SDC4: variants seen among roughly 807,000 people sequenced by gnomAD.
The protein encoded by SDC4 is syndecan-4.
A neutral mutation model predicts 20.5 loss-of-function variants in SDC4; 17 were observed. The observed-to-expected ratio is 0.83, with a 90% confidence interval of 0.57 to 1.25. The LOEUF is 1.25. Among genes scored for constraint, SDC4 ranks in the 50% most tolerant of loss-of-function variants. The pLI, the probability that SDC4 is intolerant of heterozygous loss-of-function variation, is 0.00. For missense variants in SDC4, 241 were observed against 252.3 expected, an observed-to-expected ratio of 0.96 and a Z score of 0.30; for synonymous variants, 107 against 105.3, an observed-to-expected ratio of 1.02 and a Z score of -0.10.
chr20:45,331,012 G>A (rs1224489247), intron 3 of SDC4, among the ~76,000 whole-genome samples: 1 of 152,164 alleles, frequency 6.6e-6, no homozygotes, highest in Admixed American at 6.5e-5. Flanking sequence ...TTCCTTTACT[G>A]TCTTAATAAA....
rs2145711991 is a variant in SDC4, at chr20:45,335,762, G to A, written c.199+20C>T. The A allele has an allele frequency of 6.2e-7, 1 of 1,612,008 alleles. No homozygotes were observed. The highest frequency in any genetic ancestry group is 8.5e-7 in the Non-Finnish European group (1 of 1,179,152). ...TCCCTCCAGCTTTGTGCCTACGCCT[G>A]CCCAGCACACCTTCCGTACCCAGAT... On this transcript the variant is annotated intron_variant, in intron 2 of 4. Coordinates refer to ENST00000372733, the MANE Select transcript of SDC4 (RefSeq NM_002999.4).
chr20:45,341,224 G>A (rs1456443047), intron 1 of SDC4, among the ~76,000 whole-genome samples: 3 of 152,206 alleles, frequency 2.0e-5, no homozygotes, highest in African/African-American at 4.8e-5. Flanking sequence ...TCAGAGGCCT[G>A]GGAAAACTTG....
Position 45,348,389 on chromosome 20 carries a change from C to A in SDC4, c.-5G>T. On this transcript the variant is annotated 5_prime_UTR_variant, in exon 1 of 5. Transcript: ENST00000372733. The stretch of plus-strand genomic sequence containing the variant: ...GAACAGACGGGCGGGGGCCATGGCA[C>A]CGCGGACTGGAGAAGGCGCGCAGGC... 1 of 1,570,846 alleles carries A rather than the reference C, an allele frequency of 6.4e-7. No individual in the cohort carries two copies. The highest frequency in any genetic ancestry group is 1.2e-5 in the South Asian group (1 of 86,244).
intron 1 of SDC4, among the ~76,000 whole-genome samples, chr20:45,337,874 G>T (rs997759496): frequency 6.6e-6 from 1 of 152,224 alleles, no homozygotes; most frequent in East Asian, 1.9e-4. Flanking sequence ...CTTGGCACCC[G>T]TGGGGGTGGA....
Position 45,326,747 on chromosome 20 carries a change from C to CCACAGAG in SDC4, c.*510_*516dup, listed in dbSNP as rs1403579868. Reference sequence around the variant, plus strand: ...AGCCTAGAATGGCCCCAGGTATATACCACAGAGATTCCCGTAGTGTGATCA... The same window carrying CCACAGAG: ...AGCCTAGAATGGCCCCAGGTATATACCACAGAGCACAGAGATTCCCGTAGTGTGATCA... On this transcript the variant is annotated 3_prime_UTR_variant, in exon 5 of 5. Transcript: ENST00000372733. 1 of 152,790 alleles carries CCACAGAG rather than the reference C, an allele frequency of 6.5e-6. No individual in the cohort carries two copies. The highest frequency in any genetic ancestry group is 2.4e-5 in the African/African-American group (1 of 41,432). The allele number at this position is 152,790 out of a possible 1,614,324, so 9.5% of individuals were successfully genotyped here.
intron 4 of SDC4, among the ~76,000 whole-genome samples, chr20:45,330,148 T>C (rs572542403): frequency 6.6e-6 from 1 of 152,320 alleles, no homozygotes; most frequent in Admixed American, 6.5e-5. Context: ...TCCAGAAGAC[T>C]TTGATAGGTG....
At chr20:45,329,618 G>A (rs1987745367) in intron 4 of SDC4, among the ~76,000 whole-genome samples, 1 of 152,176 alleles carries the variant, frequency 6.6e-6, no homozygotes, top group South Asian at 2.1e-4. Flanking sequence ...CCTTGGAGCT[G>A]CTGGCTCTGT....
chr20:45,336,040 A>T lies in SDC4; in HGVS notation c.61-120T>A, dbSNP rs554530002. 5.2e-4 allele frequency: 548 copies of T among 1,058,002 alleles called. 3 individuals carry two copies. The African/African-American group carries it at 7.5e-3, about 15-fold the overall frequency. 65.5% of individuals were successfully genotyped at this position (1,058,002 alleles called of 1,614,324 possible). ...AAAGAGACCAGGCCAGGGCCTGGAG[A>T]CCTGCGTCCTGGATCCCACTCTACC... On this transcript the variant is annotated intron_variant, in intron 1 of 4. Transcript: ENST00000372733.
chr20:45,344,640 C>T (rs6032128), intron 1 of SDC4, among the ~76,000 whole-genome samples: 1 of 152,218 alleles, frequency 6.6e-6, no homozygotes, highest in African/African-American at 2.4e-5. Context: ...GAAAAGCCCT[C>T]TGTTTCTAGG....
At chr20:45,341,829 T>A (rs1312175820) in intron 1 of SDC4, among the ~76,000 whole-genome samples, 1 of 152,106 alleles carries the variant, frequency 6.6e-6, no homozygotes, top group African/African-American at 2.4e-5. Flanking sequence ...GGGGAAGGGT[T>A]CAGGAGCCTC....
chr20:45,327,188 T>G lies in SDC4; in HGVS notation c.*76A>C, dbSNP rs1029788791. ...AGTCAGTATTAGGTTGACCTCACCC[T>G]ACCCTAATGTCCACCCTTCAAAATC... On this transcript the variant is annotated 3_prime_UTR_variant, in exon 5 of 5. Coordinates refer to ENST00000372733, the MANE Select transcript of SDC4 (RefSeq NM_002999.4). The G allele has an allele frequency of 4.6e-6, 7 of 1,534,316 alleles. No individual in the cohort carries two copies. The Admixed American group carries it at 1.2e-4, about 26-fold the overall frequency.
chr20:45,328,749 T>C (rs1987732619), intron 4 of SDC4, among the ~76,000 whole-genome samples: 1 of 152,180 alleles, frequency 6.6e-6, no homozygotes, highest in Non-Finnish European at 1.5e-5. Flanking sequence ...CAAATCTATG[T>C]ACACAATGGG....
intron 4 of SDC4, among the ~76,000 whole-genome samples, chr20:45,328,465 G>A (rs1896585031): frequency 6.6e-6 from 1 of 152,164 alleles, no homozygotes. Context: ...TTATATCTGT[G>A]TCCCGAACCC....
At position 45,325,689 on chromosome 20, in the gene SDC4, G is replaced by A. The variant is rs915988794; in HGVS notation, c.*1575C>T. The A allele has an allele frequency of 6.6e-6, 1 of 151,150 alleles. No individual in the cohort carries two copies. The highest frequency in any genetic ancestry group is 1.5e-5 in the Non-Finnish European group (1 of 67,904). 9.4% of individuals were successfully genotyped at this position (151,150 alleles called of 1,614,324 possible). A position where few individuals can be genotyped will look rare whatever the true frequency, so the allele number is the denominator to read the frequency against. On this transcript the variant is annotated 3_prime_UTR_variant, in exon 5 of 5. Transcript: ENST00000372733. ...CACAGCTGAGGCTGTGACTCGTTAAGCCAGTTTAGTTCTCTAGAATAGTGC... is the reference window on the plus strand; with the variant it reads ...CACAGCTGAGGCTGTGACTCGTTAAACCAGTTTAGTTCTCTAGAATAGTGC...
chr20:45,344,449 C>T (rs1021294034), intron 1 of SDC4, among the ~76,000 whole-genome samples: 4 of 152,198 alleles, frequency 2.6e-5, no homozygotes, highest in Admixed American at 6.5e-5. Context: ...TGACTCACAG[C>T]GCTCGGTCCA....
chr20:45,341,913 T>G (rs921402519), intron 1 of SDC4, among the ~76,000 whole-genome samples: 1 of 152,252 alleles, frequency 6.6e-6, no homozygotes, highest in Middle Eastern at 3.4e-3. Flanking sequence ...ACAATTCCCT[T>G]CTCTGAGCCT....
In SDC4 at chr20:45,327,191, C is replaced by A. The variant is rs1478458195; in HGVS notation, c.*73G>T. 1 of 1,552,926 alleles carries A rather than the reference C, an allele frequency of 6.4e-7. No individual in the cohort carries two copies. Among genetic ancestry groups the A allele is most frequent in the Non-Finnish European group, 8.9e-7 (1 of 1,129,532 alleles). ...CAGTATTAGGTTGACCTCACCCTACCCTAATGTCCACCCTTCAAAATCCCC... is the reference window on the plus strand; with the variant it reads ...CAGTATTAGGTTGACCTCACCCTACACTAATGTCCACCCTTCAAAATCCCC... On this transcript the variant is annotated 3_prime_UTR_variant, in exon 5 of 5. Coordinates refer to ENST00000372733, the MANE Select transcript of SDC4 (RefSeq NM_002999.4).
intron 3 of SDC4, among the ~76,000 whole-genome samples, chr20:45,331,179 G>A (rs1319012649): frequency 6.6e-6 from 1 of 152,130 alleles, no homozygotes. Flanking sequence ...CGAATCAAAG[G>A]AAATGGACTG....
At chr20:45,341,695 C>T (rs1358802726) in intron 1 of SDC4, among the ~76,000 whole-genome samples, 1 of 152,168 alleles carries the variant, frequency 6.6e-6, no homozygotes, top group Non-Finnish European at 1.5e-5. Context: ...TCGGGTTACT[C>T]TGAACACAAT....
Sources: gnomAD v4.1 joint callset for allele counts (sites outside exome capture counted in the v4.1 genomes callset) on GRCh38, gnomAD v4.1.1 for gene constraint, MANE v1.5 for transcripts, NCBI Gene and HGNC (gene_info 2026-07-23, HGNC 2026-07-21) for gene names.